DMD: variants seen among roughly 807,000 people sequenced by gnomAD.
DMD encodes the protein dystrophin.
In DMD, 63 loss-of-function variants were observed where a neutral mutation model predicts 330.1. That is an observed-to-expected ratio of 0.19 (90% CI 0.16 to 0.24). DMD has a LOEUF of 0.24. Ranked by LOEUF, DMD falls within the 10% of genes least tolerant of loss-of-function variation. The pLI is 1.00. For missense variants in DMD, 3,344 were observed against 2,684.1 expected, an observed-to-expected ratio of 1.25 and a Z score of -5.43; for synonymous variants, 1,223 against 959.8, an observed-to-expected ratio of 1.27 and a Z score of -5.07.
chrX:31,751,645 C>T (rs779387212), intron 51 of DMD, among the ~76,000 whole-genome samples: 3 of 111,758 alleles, frequency 2.7e-5, no homozygotes, highest in East Asian at 2.8e-4. Context: ...ATGGCTAAAA[C>T]GGAGTGGACC....
intron 52 of DMD, among the ~76,000 whole-genome samples, chrX:31,691,720 G>T (rs1203583206): frequency 1.8e-5 from 2 of 111,940 alleles, no homozygotes; most frequent in Non-Finnish European, 3.8e-5. Flanking sequence ...ATTGATAAAG[G>T]TTATTTCATC....
chrX:32,654,044 T>G (rs987470337), intron 9 of DMD, among the ~76,000 whole-genome samples: 5 of 112,099 alleles, frequency 4.5e-5, no homozygotes, highest in Non-Finnish European at 9.4e-5. Context: ...CTTAAGTAGA[T>G]TTTGGGCTGA....
chrX:33,336,393 A>T (rs2054255386), intron 1 of DMD, among the ~76,000 whole-genome samples: 1 of 110,294 alleles, frequency 9.1e-6, no homozygotes, highest in Admixed American at 9.8e-5. Context: ...ATTTCAAAGC[A>T]TATTTCTTAA....
At chrX:31,489,929 T>A (rs997777295) in intron 57 of DMD, among the ~76,000 whole-genome samples, 5 of 112,052 alleles carry the variant, frequency 4.5e-5, no homozygotes, top group African/African-American at 1.3e-4. Context: ...TGTAAATTAT[T>A]CACATCTCAT....
At chrX:32,695,676 T>C (rs1285132779) in intron 9 of DMD, among the ~76,000 whole-genome samples, 2 of 111,856 alleles carry the variant, frequency 1.8e-5, no homozygotes, top group Non-Finnish European at 1.9e-5. Context: ...TGGCTATAAC[T>C]CAAGTAAGAT....
At chrX:32,432,816 T>C (rs1221265130) in intron 29 of DMD, among the ~76,000 whole-genome samples, 2 of 112,440 alleles carry the variant, frequency 1.8e-5, no homozygotes, top group Non-Finnish European at 3.8e-5. Flanking sequence ...CTGGTCTATC[T>C]ATGCTAAGGT....
intron 1 of DMD, among the ~76,000 whole-genome samples, chrX:33,182,960 T>G (rs1294047745): frequency 8.9e-6 from 1 of 112,310 alleles, no homozygotes; most frequent in African/African-American, 3.2e-5. Flanking sequence ...TGAGTTTTTC[T>G]GCAAAAATGT....
chrX:32,071,519 GA>G, intron 44 of DMD, among the ~76,000 whole-genome samples: 1 of 73,607 alleles, frequency 1.4e-5, no homozygotes. Flanking sequence ...GGGGTGGGGG[GA>G]GGGGGGAGGG....
intron 42 of DMD, among the ~76,000 whole-genome samples, chrX:32,294,589 C>T (rs771885861): frequency 1.8e-5 from 2 of 111,257 alleles, no homozygotes; most frequent in South Asian, 3.9e-4. Context: ...ATGTTACTAA[C>T]GCGGGAAAAC....
In DMD at chrX:31,705,304, G is replaced by A. The variant is rs890388268; in HGVS notation, c.7660+24327C>T. ...AAGATTTAGAAGATAAAATGTACAG[G>A]ACTTTGCCCAAGTTCTTCCCTCTGC... is the stretch of plus-strand genomic sequence containing the variant. On this transcript the variant is annotated intron_variant, in intron 52 of 78. Transcript: ENST00000357033. 2.7e-5 allele frequency among the ~76,000 whole-genome samples: 3 copies of A among 112,973 alleles called. No individual in the cohort carries two copies. In the South Asian group the frequency reaches 1.1e-3, roughly 41 times the overall value.
intron 7 of DMD, among the ~76,000 whole-genome samples, chrX:32,714,246 T>G: frequency 9.0e-6 from 1 of 111,428 alleles, no homozygotes; most frequent in Non-Finnish European, 1.9e-5. Context: ...TGATCAAGTC[T>G]CGGCTTTTAG....
intron 1 of DMD, among the ~76,000 whole-genome samples, chrX:33,201,286 C>T (rs2051255479): frequency 9.0e-6 from 1 of 110,860 alleles, no homozygotes; most frequent in Admixed American, 9.6e-5. Flanking sequence ...TTCTGACTTC[C>T]CTTTGCCTCC....
chrX:31,153,653 T>A (rs775912287), intron 74 of DMD, among the ~76,000 whole-genome samples: 3 of 112,319 alleles, frequency 2.7e-5, no homozygotes, highest in Non-Finnish European at 5.6e-5. Flanking sequence ...GACACATTGA[T>A]TTTGTAGATG....
At position 32,611,094 on chromosome X, in the gene DMD, C is replaced by T. The variant is rs141317213; in HGVS notation, c.1482+3209G>A. Among the ~76,000 whole-genome samples the T allele has an allele frequency of 7.6e-3, 836 of 110,431 alleles. 8 individuals carry two copies. The highest frequency in any genetic ancestry group is 0.026 in the African/African-American group (804 of 30,429). ...AGGTTTAAATAAAGTCAACTCTTTG[C>T]TAAATTGTTTGATGTTAAGTCACCT... On this transcript the variant is annotated intron_variant, in intron 12 of 78. Transcript: ENST00000357033.
chrX:32,220,915 A>C (rs1393566350), intron 43 of DMD, among the ~76,000 whole-genome samples: 2 of 111,742 alleles, frequency 1.8e-5, no homozygotes. Context: ...GGGCAAAAAA[A>C]TGTCAGTATA....
At chrX:32,585,040 C>T (rs1476724042) in intron 13 of DMD, among the ~76,000 whole-genome samples, 1 of 110,998 alleles carries the variant, frequency 9.0e-6, no homozygotes, top group Non-Finnish European at 1.9e-5. Flanking sequence ...TAGCTATTTG[C>T]AACAACATAA....
At chrX:32,969,305 T>C (rs1377964514) in intron 2 of DMD, among the ~76,000 whole-genome samples, 1 of 77,440 alleles carries the variant, frequency 1.3e-5, no homozygotes, top group African/African-American at 7.0e-5. Context: ...AAATAACATA[T>C]AAATTAACAA....
At chrX:33,167,319 G>C (rs1388605947) in intron 1 of DMD, among the ~76,000 whole-genome samples, 1 of 111,069 alleles carries the variant, frequency 9.0e-6, no homozygotes, top group Non-Finnish European at 1.9e-5. Flanking sequence ...CTTCAGGGAG[G>C]ACTGTTCATA....
intron 9 of DMD, among the ~76,000 whole-genome samples, chrX:32,693,827 C>A (rs1229645453): frequency 1.8e-5 from 2 of 111,408 alleles, no homozygotes; most frequent in African/African-American, 6.5e-5. Context: ...AGCAACACCT[C>A]CAAATACACA....
Sources: allele counts gnomAD v4.1 joint callset (sites outside exome capture counted in the v4.1 genomes callset), GRCh38; gene constraint gnomAD v4.1.1; transcripts MANE v1.5; gene names NCBI Gene and HGNC (gene_info 2026-07-23, HGNC 2026-07-21).